Variants in TOPBP1 observed in about 807,000 individuals in gnomAD.
The protein encoded by TOPBP1 is DNA topoisomerase II binding protein 1.
A neutral mutation model predicts 167.7 loss-of-function variants in TOPBP1; 28 were observed. That is an observed-to-expected ratio of 0.17 (90% CI 0.12 to 0.23). TOPBP1 has a LOEUF of 0.23. Ranked by LOEUF, TOPBP1 falls within the 10% of genes least tolerant of loss-of-function variation. The probability of loss-of-function intolerance (pLI) is 1.00; values close to 1 mark genes in which losing one functional copy is unlikely to be tolerated. For synonymous variants in TOPBP1, 598 were observed against 611.4 expected, an observed-to-expected ratio of 0.98 and a Z score of 0.32; for missense variants, 1,554 against 1,809.6, an observed-to-expected ratio of 0.86 and a Z score of 2.56.
chr3:133,610,949 A>G (rs1234998185), intron 25 of TOPBP1, 55 bp downstream of exon 25: 11 of 1,430,004 alleles, frequency 7.7e-6, no homozygotes, highest in Non-Finnish European at 1.0e-5. Context: ...AAAAATGTGA[A>G]AGAGTCACAA....
chr3:133,608,896 G>A lies in TOPBP1; in HGVS notation c.4240C>T (p.Leu1414Phe), dbSNP rs749872810. The A allele has an allele frequency of 2.5e-6, 4 of 1,612,932 alleles. No homozygotes were observed. Among genetic ancestry groups the A allele is most frequent in the Admixed American group, 1.7e-5 (1 of 59,806 alleles). ...DQSREAGFKR[L>F]LQSGGAKVLP... ...ACCTTTGCTCCTCCTGACTGAAGAA[G>A]GCGTTTGAAGCCTGCTTCTCGAGAC... The change falls in exon 26 of 28, where the codon CTT (leucine) becomes TTT (phenylalanine). Residue 1414 changes from leucine to phenylalanine, a missense_variant. Transcript: ENST00000260810.
At chr3:133,641,955 T>A (rs1049000090) in intron 12 of TOPBP1, among the ~76,000 whole-genome samples, 3 of 152,138 alleles carry the variant, frequency 2.0e-5, no homozygotes, top group East Asian at 1.9e-4. Flanking sequence ...ACATGCCATA[T>A]AAACCCCCTT....
intron 27 of TOPBP1, among the ~76,000 whole-genome samples, chr3:133,605,041 A>C (rs1439178397): frequency 6.6e-6 from 1 of 151,914 alleles, no homozygotes; most frequent in Non-Finnish European, 1.5e-5. Context: ...TCTACCAAAA[A>C]TACAAAAATT....
chr3:133,615,024 C>CA (rs1018922605), intron 23 of TOPBP1, among the ~76,000 whole-genome samples: 26 of 144,348 alleles, frequency 1.8e-4, no homozygotes, highest in Non-Finnish European at 2.9e-4. Flanking sequence ...GCTTCACCCG[C>CA]AAAAAAAAGA....
At chr3:133,655,637 T>C (rs1358203223) in intron 5 of TOPBP1, among the ~76,000 whole-genome samples, 151 bp from the exon 6 acceptor site, 6 of 152,226 alleles carry the variant, frequency 3.9e-5, no homozygotes, top group African/African-American at 1.4e-4. Context: ...ATTACACTAA[T>C]TGTTCACCTA....
intron 6 of TOPBP1, among the ~76,000 whole-genome samples, chr3:133,654,974 T>G (rs577277923): frequency 2.0e-5 from 3 of 151,584 alleles, no homozygotes; most frequent in African/African-American, 7.3e-5. Flanking sequence ...CTTTGGGAGG[T>G]TGAGGTGGGA....
Position 133,616,833 on chromosome 3 carries a change from A to T in TOPBP1, c.3852T>A (p.Cys1284Ter). The part of the protein sequence containing the change: ...SLNPQERIDY[C>*]HLIEKLGGLV... Reference sequence around the variant, plus strand: ...TGGTACCTAGTTTCTCAATCAGATGACAATAGTCAATACGTTCTTGAGGAT... The same window carrying T: ...TGGTACCTAGTTTCTCAATCAGATGTCAATAGTCAATACGTTCTTGAGGAT... Residue 1284 changes from cysteine (C) to a stop codon, truncating the protein, a stop_gained, in exon 23 of 28, where the codon TGT becomes TGA. Transcript: ENST00000260810. LOFTEE classifies it high-confidence loss of function. 1 of 1,533,474 alleles carries T rather than the reference A, an allele frequency of 6.5e-7. No individual in the cohort carries two copies. 95.0% of individuals were successfully genotyped at this position (1,533,474 alleles called of 1,614,324 possible).
intron 20 of TOPBP1, among the ~76,000 whole-genome samples, 169 bp from the exon 21 acceptor site, chr3:133,618,602 T>A (rs3732575): frequency 0.71 from 107,914 of 151,800 alleles, 38,485 homozygotes; most frequent in Middle Eastern, 0.76. Flanking sequence ...TTTTTTTTTT[T>A]AAAAAGGTTT....
chr3:133,614,441 T>C (rs895622007), intron 23 of TOPBP1, among the ~76,000 whole-genome samples: 2 of 152,186 alleles, frequency 1.3e-5, no homozygotes, highest in Non-Finnish European at 2.9e-5. Context: ...TATACATATA[T>C]ATCAGTTGGC....
At position 133,624,144 on chromosome 3, in the gene TOPBP1, T is replaced by A. The variant is rs756116302; in HGVS notation, c.2836A>T (p.Ile946Phe). ...WSFDETVTHFIYQGRPNDTNR... is the reference protein window; with the variant it reads ...WSFDETVTHFFYQGRPNDTNR... ...GTGTCATTTGGCCGCCCTTGATAGA[T>A]GAAATGAGTCACTGTTTCATCAAAA... Residue 946 changes from isoleucine (I) to phenylalanine (F), a missense_variant, in exon 17 of 28, where the codon ATC becomes TTC. This residue lies in a region of TOPBP1 where 1,197 missense variants were observed against 1,351.5 expected (regional missense o/e 0.89). Transcript: ENST00000260810. 1.9e-6 allele frequency: 3 copies of A among 1,613,660 alleles called. No individual in the cohort carries two copies. Among genetic ancestry groups the A allele is most frequent in the Non-Finnish European group, 1.7e-6 (2 of 1,179,836 alleles).
chr3:133,607,648 GGAGTCC>G, intron 27 of TOPBP1, among the ~76,000 whole-genome samples: 1 of 152,166 alleles, frequency 6.6e-6, no homozygotes, highest in East Asian at 1.9e-4. Context: ...TCTGATTCCA[GGAGTCC>G]AAGGGTCCAT....
At chr3:133,644,387 T>C (rs1936006858) in intron 10 of TOPBP1, 24 bp from the exon 11 acceptor site, 5 of 1,521,322 alleles carry the variant, frequency 3.3e-6, no homozygotes, top group East Asian at 2.3e-5. Context: ...GTAAATGTTT[T>C]CTAACCAACA....
At chr3:133,636,272 GGTGA>G (rs1935670275) in intron 14 of TOPBP1, among the ~76,000 whole-genome samples, 1 of 152,036 alleles carries the variant, frequency 6.6e-6, no homozygotes, top group African/African-American at 2.4e-5. Flanking sequence ...TTAAATAAGT[GGTGA>G]GTTTTTTTGA....
In TOPBP1 at chr3:133,618,248, T is replaced by C. The variant is rs201713746; in HGVS notation, c.3557A>G (p.Gln1186Arg). The C allele has an allele frequency of 1.2e-5, 20 of 1,613,880 alleles. No individual in the cohort carries two copies. In the African/African-American group the frequency reaches 2.4e-4, roughly 19 times the overall value. Residue 1186 changes from glutamine (Q) to arginine (R), a missense_variant, in exon 21 of 28, where the codon CAA becomes CGA. Physicochemically the swap from Gln to Arg is conservative, Grantham distance 43. This residue lies in a region of TOPBP1 where 351 missense variants were observed against 432.9 expected (regional missense o/e 0.81). Transcript: ENST00000260810. The part of the protein sequence containing the change: ...DIQNLEDSPF[Q>R]KPLHDSEIAK... ...AATTTCTGAATCATGTAAAGGCTTTTGAAAAGGAGAATCCTCCAAGTTTTG... is the reference window on the plus strand; with the variant it reads ...AATTTCTGAATCATGTAAAGGCTTTCGAAAAGGAGAATCCTCCAAGTTTTG...
At chr3:133,628,503 T>C (rs765445094) in intron 15 of TOPBP1, 32 bp from the exon 16 acceptor site, 5 of 1,604,856 alleles carry the variant, frequency 3.1e-6, no homozygotes, top group Non-Finnish European at 4.3e-6. Context: ...AACAGATCAG[T>C]CATTATTGTT....
At chr3:133,619,429 C>T (rs73861163) in intron 20 of TOPBP1, among the ~76,000 whole-genome samples, 2,270 of 152,166 alleles carry the variant, frequency 0.015, 67 homozygotes, top group African/African-American at 0.051. Context: ...ATACAAGTCC[C>T]ATAATTCTTA....
intron 24 of TOPBP1, among the ~76,000 whole-genome samples, chr3:133,611,973 A>C (rs1346131105): frequency 6.6e-6 from 1 of 151,896 alleles, no homozygotes; most frequent in African/African-American, 2.4e-5. Context: ...CCTAGGTTCA[A>C]GCCATCCTCC....
intron 6 of TOPBP1, among the ~76,000 whole-genome samples, chr3:133,654,818 T>A (rs1321863625): frequency 6.6e-6 from 1 of 151,394 alleles, no homozygotes; most frequent in African/African-American, 2.5e-5. Context: ...TTGCAAGATG[T>A]TAGAGAAAAC....
At position 133,661,093 on chromosome 3, in the gene TOPBP1, T is replaced by G; in HGVS notation, c.35A>C (p.Lys12Thr). Residue 12 changes from lysine (K) to threonine (T), a missense_variant, in exon 2 of 28, where the codon AAG becomes ACG. Coordinates refer to ENST00000260810, the MANE Select transcript of TOPBP1 (RefSeq NM_007027.4). ...GGAATTGTCTGAAGACTTTAAAAAC[T>G]TCACAAAAAACGGTTCTTTGTCATT... ...SRNDKEPFFV[K>T]FLKSSDNSKC... The G allele has an allele frequency of 1.2e-6, 2 of 1,600,920 alleles. No individual in the cohort carries two copies. The highest frequency in any genetic ancestry group is 1.7e-6 in the Non-Finnish European group (2 of 1,175,056).
Sources: gnomAD v4.1 joint callset for allele counts (sites outside exome capture counted in the v4.1 genomes callset) on GRCh38, gnomAD v4.1.1 for gene constraint, gnomAD v4.1.1 regional missense constraint, MANE v1.5 for transcripts, NCBI Gene and HGNC (gene_info 2026-07-23, HGNC 2026-07-21) for gene names.